The following NOL10 variants were observed in gnomAD, a reference collection of about 807,000 sequenced individuals.
The protein encoded by NOL10 is H_NH0074G24.1.
A neutral mutation model predicts 103.5 loss-of-function variants in NOL10; 58 were observed. That is an observed-to-expected ratio of 0.56 (90% CI 0.45 to 0.70). The LOEUF (loss-of-function observed/expected upper bound fraction) is 0.70. Among genes scored for constraint, NOL10 ranks in the 30% least tolerant of loss-of-function variants. The pLI, the probability that NOL10 is intolerant of heterozygous loss-of-function variation, is 0.00. For synonymous variants in NOL10, 287 were observed against 282.5 expected, an observed-to-expected ratio of 1.02 and a Z score of -0.16; for missense variants, 763 against 807.3, an observed-to-expected ratio of 0.95 and a Z score of 0.67.
chr2:10,679,135 G>A (rs189049720), intron 3 of NOL10, among the ~76,000 whole-genome samples: 34 of 151,988 alleles, frequency 2.2e-4, no homozygotes, highest in African/African-American at 8.2e-4. Context: ...TGAGGTGGGC[G>A]GATCACCTGA....
chr2:10,623,858 C>T (rs1043023540), intron 13 of NOL10, among the ~76,000 whole-genome samples: 2 of 152,146 alleles, frequency 1.3e-5, no homozygotes, highest in African/African-American at 4.8e-5. Context: ...CGCTATAAAT[C>T]GATTAGAATG....
In NOL10 at chr2:10,618,285, T is replaced by C. The variant is rs1043186988; in HGVS notation, c.1027-10974A>G. Among the ~76,000 whole-genome samples the C allele has an allele frequency of 4.5e-4, 68 of 152,170 alleles. 1 individual carries two copies. The highest frequency in any genetic ancestry group is 1.6e-3 in the African/African-American group (67 of 41,508). On this transcript the variant is annotated intron_variant, in intron 13 of 20. Transcript: ENST00000381685. ...TAAGGAGGTTATTATGTCTCCTTAG[T>C]TTCCTTTAATGTAGGAGCCCCCACC... is the stretch of plus-strand genomic sequence containing the variant.
At chr2:10,599,250 C>T (rs1415198179) in intron 17 of NOL10, among the ~76,000 whole-genome samples, 5 of 152,250 alleles carry the variant, frequency 3.3e-5, no homozygotes, top group African/African-American at 1.2e-4. Context: ...GGAATGCAAA[C>T]ATCTACAGTC....
chr2:10,651,532 T>A (rs561132378), intron 12 of NOL10, among the ~76,000 whole-genome samples: 2 of 152,340 alleles, frequency 1.3e-5, no homozygotes, highest in African/African-American at 4.8e-5. Flanking sequence ...ACATCCTTTT[T>A]TCGTAGAATG....
intron 8 of NOL10, among the ~76,000 whole-genome samples, chr2:10,664,995 T>C (rs1400484527): frequency 2.6e-5 from 4 of 152,232 alleles, no homozygotes; most frequent in Non-Finnish European, 4.4e-5. Context: ...GATTTTGTAA[T>C]GATAAAACAA....
chr2:10,633,169 C>T (rs930032230), intron 13 of NOL10, among the ~76,000 whole-genome samples: 7 of 151,990 alleles, frequency 4.6e-5, no homozygotes, highest in East Asian at 3.9e-4. Context: ...CCTTGGCTCG[C>T]GGGGTGAATC....
chr2:10,687,785 C>G (rs1236597393), intron 1 of NOL10, among the ~76,000 whole-genome samples: 1 of 152,176 alleles, frequency 6.6e-6, no homozygotes, highest in Non-Finnish European at 1.5e-5. Context: ...GAAACTCCGT[C>G]TCTACTAAAA....
intron 17 of NOL10, among the ~76,000 whole-genome samples, chr2:10,599,967 C>T (rs7587231): frequency 0.59 from 89,721 of 151,578 alleles, 27,551 homozygotes; most frequent in African/African-American, 0.74. Flanking sequence ...CTTAGATGCA[C>T]GTACCTGGTT....
At chr2:10,610,774 C>A (rs1017613593) in intron 13 of NOL10, among the ~76,000 whole-genome samples, 1 of 152,256 alleles carries the variant, frequency 6.6e-6, no homozygotes, top group East Asian at 1.9e-4. Flanking sequence ...ATATGTTAAA[C>A]CTCAACTAAT....
chr2:10,676,582 A>G (rs1681324539), intron 3 of NOL10, among the ~76,000 whole-genome samples: 1 of 152,010 alleles, frequency 6.6e-6, no homozygotes, highest in African/African-American at 2.4e-5. Context: ...CTGGAGAATG[A>G]TCCATATAAT....
rs537871528 is a variant in NOL10 at position 10,615,757 on chromosome 2, A to C, written c.1027-8446T>G. Among the ~76,000 whole-genome samples, 6 of 152,298 alleles carry C rather than the reference A, an allele frequency of 3.9e-5. No homozygotes were observed. The East Asian group carries it at 1.2e-3, about 29-fold the overall frequency. On this transcript the variant is annotated intron_variant, in intron 13 of 20. Coordinates refer to ENST00000381685, the MANE Select transcript of NOL10 (RefSeq NM_024894.4). ...TTGGGACAAGAACTTCAAGGCTCTA[A>C]GCATGGGGGACGACAGGATGAGGCA...
At chr2:10,610,060 G>GAA (rs1315833931) in intron 13 of NOL10, among the ~76,000 whole-genome samples, 1 of 152,118 alleles carries the variant, frequency 6.6e-6, no homozygotes, top group African/African-American at 2.4e-5. Flanking sequence ...TCCTTATTCA[G>GAA]ACAAAAACAC....
intron 9 of NOL10, 34 bp from the exon 10 acceptor site, chr2:10,659,284 A>T: frequency 8.1e-7 from 1 of 1,234,934 alleles, no homozygotes; most frequent in Non-Finnish European, 1.1e-6. Flanking sequence ...TCATGAATAT[A>T]CGGCCAAACC....
rs184541628 is a variant in NOL10 at position 10,637,664 on chromosome 2, G to C, written c.1026+6656C>G. On this transcript the variant is annotated intron_variant, in intron 13 of 20. Coordinates refer to ENST00000381685, the MANE Select transcript of NOL10 (RefSeq NM_024894.4). ...TCCAATTGTGCATTTCCTTTGGTTTGCGTGCCTCTGTGAAGCTGTGTGGTA... is the reference window on the plus strand; with the variant it reads ...TCCAATTGTGCATTTCCTTTGGTTTCCGTGCCTCTGTGAAGCTGTGTGGTA... Among the ~76,000 whole-genome samples, 415 of 152,302 alleles carry C rather than the reference G, an allele frequency of 2.7e-3. 2 individuals are homozygous for C. The highest frequency in any genetic ancestry group is 3.3e-3 in the Non-Finnish European group (225 of 68,030).
At chr2:10,685,392 C>A (rs1375630256) in intron 1 of NOL10, among the ~76,000 whole-genome samples, 1 of 143,480 alleles carries the variant, frequency 7.0e-6, no homozygotes, top group Non-Finnish European at 1.5e-5. Flanking sequence ...ACTCGGGAGG[C>A]TGAGGAAGGG....
intron 13 of NOL10, among the ~76,000 whole-genome samples, chr2:10,618,320 T>C (rs1332235932): frequency 2.6e-5 from 4 of 152,190 alleles, no homozygotes; most frequent in African/African-American, 9.6e-5. Context: ...CTTCACTGAC[T>C]TTCAGGATGT....
intron 13 of NOL10, among the ~76,000 whole-genome samples, chr2:10,642,753 G>A (rs1454409190): frequency 6.6e-6 from 1 of 152,062 alleles, no homozygotes; most frequent in African/African-American, 2.4e-5. Flanking sequence ...CTATCCTTCG[G>A]TCCCTCCTTC....
At chr2:10,666,518 G>A (rs183490020) in intron 8 of NOL10, among the ~76,000 whole-genome samples, 9 of 152,124 alleles carry the variant, frequency 5.9e-5, no homozygotes, top group East Asian at 3.9e-4. Context: ...TAGTAGAGAC[G>A]GTGTTTCGCC....
rs1045598 is a variant in NOL10, at chr2:10,571,838, T to C, written c.*233A>G. 0.19 allele frequency: 74,990 copies of C among 400,266 alleles called. 10,839 individuals carry two copies. Among genetic ancestry groups the C allele is most frequent in the African/African-American group, 0.45 (21,881 of 48,944 alleles). The allele number at this position is 400,266 out of a possible 1,614,324, so 24.8% of individuals were successfully genotyped here. ...AACGCCGTGGGGAAAGGACAATGTTTCCAGGGAGCAACGACTCGCAAGCAC... is the reference window on the plus strand; with the variant it reads ...AACGCCGTGGGGAAAGGACAATGTTCCCAGGGAGCAACGACTCGCAAGCAC... On this transcript the variant is annotated 3_prime_UTR_variant, in exon 21 of 21. Transcript: ENST00000381685.
Sources: allele counts gnomAD v4.1 joint callset (sites outside exome capture counted in the v4.1 genomes callset), GRCh38; gene constraint gnomAD v4.1.1; transcripts MANE v1.5; gene names NCBI Gene and HGNC (gene_info 2026-07-23, HGNC 2026-07-21).